Variants in HDAC9 observed in about 807,000 individuals in gnomAD.
HDAC9 encodes histone deacetylase 9.
HDAC9 carries 41 observed loss-of-function variants against 139.4 expected under a neutral mutation model. That is an observed-to-expected ratio of 0.29 (90% CI 0.23 to 0.38). The LOEUF (loss-of-function observed/expected upper bound fraction) is 0.38. Ranked by LOEUF, HDAC9 falls within the 10% of genes least tolerant of loss-of-function variation. HDAC9 has a pLI of 1.00. For missense variants in HDAC9, 1,147 were observed against 1,297.0 expected (o/e 0.88, Z 1.78); for synonymous variants, 517 against 476.2 (o/e 1.09, Z -1.12).
chr7:18,957,142 A>G (rs994946958), intron 24 of HDAC9, among the ~76,000 whole-genome samples: 5 of 152,150 alleles, frequency 3.3e-5, no homozygotes, highest in African/African-American at 9.7e-5. Context: ...AAGAAAACAC[A>G]AGATCGGAAA....
At chr7:18,593,432 G>C (rs1009935663) in intron 5 of HDAC9, among the ~76,000 whole-genome samples, 1 of 152,086 alleles carries the variant, frequency 6.6e-6, no homozygotes, top group African/African-American at 2.4e-5. Flanking sequence ...ATGGGAGTCC[G>C]TTGGCACAAT....
At chr7:18,280,771 T>A (rs302170) in intron 2 of HDAC9, among the ~76,000 whole-genome samples, 113,552 of 149,694 alleles carry the variant, frequency 0.76, 43,094 homozygotes, top group South Asian at 0.86. Flanking sequence ...TCAAAAAAAA[T>A]AAATAAATAA....
chr7:18,376,007 T>G (rs1406324718), intron 1 of HDAC9, among the ~76,000 whole-genome samples: 1 of 152,234 alleles, frequency 6.6e-6, no homozygotes. Context: ...CATTAAAACA[T>G]GATTATTGAC....
At chr7:18,804,818 A>T (rs188129098) in intron 17 of HDAC9, among the ~76,000 whole-genome samples, 1 of 152,278 alleles carries the variant, frequency 6.6e-6, no homozygotes, top group East Asian at 1.9e-4. Context: ...TTATTGAGAC[A>T]TGGTCTCACT....
intron 21 of HDAC9, among the ~76,000 whole-genome samples, chr7:18,873,057 A>G (rs1799053009): frequency 6.6e-6 from 1 of 152,124 alleles, no homozygotes; most frequent in African/African-American, 2.4e-5. Context: ...ATACACCACA[A>G]TACTATTTCA....
At chr7:18,401,748 C>T (rs1393684945) in intron 1 of HDAC9, among the ~76,000 whole-genome samples, 14 of 152,162 alleles carry the variant, frequency 9.2e-5, no homozygotes, top group Non-Finnish European at 8.8e-5. Context: ...TATTCTGCTA[C>T]GTACAGCTCT....
intron 1 of HDAC9, among the ~76,000 whole-genome samples, chr7:18,415,283 G>T (rs1406747110): frequency 6.6e-6 from 1 of 152,210 alleles, no homozygotes; most frequent in African/African-American, 2.4e-5. Flanking sequence ...TGGGGCTGAT[G>T]TTAAGCCAGT....
intron 21 of HDAC9, among the ~76,000 whole-genome samples, chr7:18,843,460 T>C (rs1796714896): frequency 6.6e-6 from 1 of 152,106 alleles, no homozygotes; most frequent in African/African-American, 2.4e-5. Context: ...TTAATGCTGA[T>C]ATGAGATGGC....
At chr7:18,918,551 A>G (rs922259579) in intron 22 of HDAC9, among the ~76,000 whole-genome samples, 1 of 152,058 alleles carries the variant, frequency 6.6e-6, no homozygotes, top group Non-Finnish European at 1.5e-5. Context: ...GTGATCATTA[A>G]AAGTTGCTCC....
intron 1 of HDAC9, among the ~76,000 whole-genome samples, chr7:18,351,516 T>C (rs1278541551): frequency 6.6e-6 from 1 of 152,208 alleles, no homozygotes; most frequent in Non-Finnish European, 1.5e-5. Flanking sequence ...TTATTAATGC[T>C]TTTTATAATG....
At chr7:18,557,345 T>G (rs975150200) in intron 2 of HDAC9, among the ~76,000 whole-genome samples, 1 of 151,412 alleles carries the variant, frequency 6.6e-6, no homozygotes, top group South Asian at 2.1e-4. Flanking sequence ...ATGAGTTTTT[T>G]TTTTTTTTTT....
chr7:18,263,531 A>G (rs302186), intron 2 of HDAC9, among the ~76,000 whole-genome samples: 1 of 152,122 alleles, frequency 6.6e-6, no homozygotes, highest in Non-Finnish European at 1.5e-5. Flanking sequence ...CCTTACCTCC[A>G]TAAGGAGCAT....
At chr7:18,594,050 C>T in intron 6 of HDAC9, 21 bp downstream of exon 6, 1 of 1,610,888 alleles carries the variant, frequency 6.2e-7, no homozygotes, top group East Asian at 2.2e-5. Flanking sequence ...TTAACAGGAA[C>T]TCTGTTTGCT....
At chr7:18,426,406 A>G (rs1790119171) in intron 1 of HDAC9, among the ~76,000 whole-genome samples, 1 of 152,204 alleles carries the variant, frequency 6.6e-6, no homozygotes, top group African/African-American at 2.4e-5. Flanking sequence ...CTAACATACA[A>G]TAACAATGAT....
chr7:18,951,134 G>A (rs1316019610), intron 23 of HDAC9, among the ~76,000 whole-genome samples: 1 of 151,902 alleles, frequency 6.6e-6, no homozygotes, highest in East Asian at 1.9e-4. Context: ...CAACTAAAAT[G>A]ATTTTTGACG....
At chr7:18,439,564 A>C (rs975508720) in intron 1 of HDAC9, among the ~76,000 whole-genome samples, 12 of 152,126 alleles carry the variant, frequency 7.9e-5, no homozygotes, top group African/African-American at 2.7e-4. Context: ...TACTCGAAGG[A>C]ACCCTGGGAA....
At chr7:18,118,467 A>T (rs1266485659) in intron 1 of HDAC9, among the ~76,000 whole-genome samples, 1 of 152,170 alleles carries the variant, frequency 6.6e-6, no homozygotes, top group African/African-American at 2.4e-5. Context: ...TTCTTTCTTC[A>T]TTATATTTCC....
At chr7:18,669,016 A>G (rs1795491001) in intron 12 of HDAC9, among the ~76,000 whole-genome samples, 1 of 151,566 alleles carries the variant, frequency 6.6e-6, no homozygotes, top group Admixed American at 6.6e-5. Context: ...TTCAGCAATA[A>G]TGACTTTCAA....
At chr7:18,093,659 T>C (rs1782315992) in intron 1 of HDAC9, among the ~76,000 whole-genome samples, 1 of 152,234 alleles carries the variant, frequency 6.6e-6, no homozygotes, top group Admixed American at 6.5e-5. Flanking sequence ...ATTTCTACTA[T>C]TAAATTAAAT....
Sources: gnomAD v4.1 joint callset for allele counts (sites outside exome capture counted in the v4.1 genomes callset) on GRCh38, gnomAD v4.1.1 for gene constraint, MANE v1.5 for transcripts, NCBI Gene and HGNC (gene_info 2026-07-23, HGNC 2026-07-21) for gene names.